The following LGSN variants were observed in gnomAD, a reference collection of about 807,000 sequenced individuals.
LGSN encodes the protein lengsin.
LGSN carries 21 observed loss-of-function variants against 19.5 expected under a neutral mutation model. The observed-to-expected ratio is 1.07, with a 90% confidence interval of 0.76 to 1.55. LGSN has a LOEUF of 1.55. Among genes scored for constraint, LGSN ranks in the 40% most tolerant of loss-of-function variants. The probability of loss-of-function intolerance (pLI) is 0.00; values close to 1 mark genes in which losing one functional copy is unlikely to be tolerated. For missense variants in LGSN, 673 were observed against 608.5 expected, an observed-to-expected ratio of 1.11 and a Z score of -1.12; for synonymous variants, 257 against 215.6, an observed-to-expected ratio of 1.19 and a Z score of -1.68.
At chr6:63,309,095 T>G (rs534069301) in intron 1 of LGSN, among the ~76,000 whole-genome samples, 2 of 152,320 alleles carry the variant, frequency 1.3e-5, no homozygotes, top group Admixed American at 1.3e-4. Context: ...TAGAAAGAGT[T>G]AAATACACGT....
chr6:63,568,006 G>C, the LGSN span, among the ~76,000 whole-genome samples: 1 of 152,192 alleles, frequency 6.6e-6, no homozygotes, highest in Non-Finnish European at 1.5e-5. Flanking sequence ...AAAATGAAGA[G>C]AGTTAAGGCC....
the LGSN span, among the ~76,000 whole-genome samples, chr6:63,388,726 G>C: frequency 9.8e-5 from 15 of 152,310 alleles, no homozygotes; most frequent in Admixed American, 5.2e-4. Context: ...AAAAATAATA[G>C]AGGTCCTAAA....
chr6:63,440,624 C>T, the LGSN span: 2 of 152,202 alleles, frequency 1.3e-5, no homozygotes, highest in African/African-American at 4.8e-5. Context: ...CTAAAATTAA[C>T]AAGGTGTAGG....
intron 1 of LGSN, among the ~76,000 whole-genome samples, chr6:63,316,818 T>C (rs1280276759): frequency 6.6e-6 from 1 of 151,928 alleles, no homozygotes; most frequent in Non-Finnish European, 1.5e-5. Flanking sequence ...TGAAAAAAGA[T>C]CCAAGAATGT....
the LGSN span, among the ~76,000 whole-genome samples, chr6:63,413,151 A>G: frequency 6.6e-6 from 1 of 152,170 alleles, no homozygotes; most frequent in Non-Finnish European, 1.5e-5. Context: ...AATAAAATGT[A>G]AAGCAACACC....
chr6:63,517,669 T>A, the LGSN span, among the ~76,000 whole-genome samples: 1 of 151,986 alleles, frequency 6.6e-6, no homozygotes, highest in Non-Finnish European at 1.5e-5. Context: ...CACACATATA[T>A]ATGACTTTTA....
At chr6:63,503,004 A>AT in the LGSN span, among the ~76,000 whole-genome samples, 1 of 152,104 alleles carries the variant, frequency 6.6e-6, no homozygotes, top group Admixed American at 6.5e-5. Context: ...CCTAATTTAT[A>AT]TTTTTTGCCA....
chr6:63,394,984 C>G, the LGSN span: 1 of 156,184 alleles, frequency 6.4e-6, no homozygotes, highest in South Asian at 1.8e-4. Flanking sequence ...GCAGGCCTGA[C>G]AACTCCCTCT....
the LGSN span, among the ~76,000 whole-genome samples, chr6:63,362,717 G>A: frequency 6.6e-6 from 1 of 152,186 alleles, no homozygotes; most frequent in African/African-American, 2.4e-5. Flanking sequence ...ACTGGGTGGA[G>A]CCCACCGCAG....
the LGSN span, among the ~76,000 whole-genome samples, chr6:63,525,251 G>A: frequency 2.0e-5 from 3 of 152,128 alleles, no homozygotes; most frequent in African/African-American, 7.2e-5. Flanking sequence ...TACTCTTTCA[G>A]GATCAAACCC....
chr6:63,495,929 A>ATG, the LGSN span, among the ~76,000 whole-genome samples: 11 of 150,910 alleles, frequency 7.3e-5, no homozygotes, highest in African/African-American at 2.7e-4. Context: ...TAATTAATTA[A>ATG]TTTTTTTAAA....
the LGSN span, among the ~76,000 whole-genome samples, chr6:63,412,772 G>GAAAGAAAGA: frequency 0.06 from 2,479 of 41,064 alleles, 114 homozygotes; most frequent in South Asian, 0.073. Flanking sequence ...AGAAAGAAAG[G>GAAAGAAAGA]AAGGAAGGGA....
At chr6:63,522,237 G>A in the LGSN span, among the ~76,000 whole-genome samples, 9 of 152,042 alleles carry the variant, frequency 5.9e-5, no homozygotes, top group African/African-American at 2.2e-4. Context: ...ACAATATATG[G>A]CAAATTTTAA....
chr6:63,435,218 C>CA, the LGSN span, among the ~76,000 whole-genome samples: 4 of 152,162 alleles, frequency 2.6e-5, no homozygotes, highest in African/African-American at 9.7e-5. Context: ...GATTAGACAA[C>CA]AAAATGAGAT....
At chr6:63,550,312 GC>G in the LGSN span, 1 of 152,126 alleles carries the variant, frequency 6.6e-6, no homozygotes, top group Non-Finnish European at 1.5e-5. Flanking sequence ...CAGTGTGCCC[GC>G]CCTCTCTTTC....
the LGSN span, among the ~76,000 whole-genome samples, chr6:63,371,383 C>A: frequency 6.6e-6 from 1 of 152,228 alleles, no homozygotes; most frequent in Non-Finnish European, 1.5e-5. Context: ...CTGTAAACCA[C>A]TGAAAACGGC....
the LGSN span, among the ~76,000 whole-genome samples, chr6:63,359,406 T>C: frequency 3.3e-5 from 5 of 152,238 alleles, no homozygotes; most frequent in African/African-American, 1.2e-4. Flanking sequence ...TCAGAAGGAA[T>C]GGTACCAGGT....
At chr6:63,399,101 G>A in the LGSN span, among the ~76,000 whole-genome samples, 3 of 151,808 alleles carry the variant, frequency 2.0e-5, no homozygotes, top group Non-Finnish European at 4.4e-5. Flanking sequence ...GTTATCGCAC[G>A]TGGCCTCATT....
chr6:63,514,036 A>C, the LGSN span, among the ~76,000 whole-genome samples: 1 of 151,994 alleles, frequency 6.6e-6, no homozygotes, highest in Non-Finnish European at 1.5e-5. Context: ...CAAATGAATA[A>C]TATATAAAAT....
Sources: gnomAD v4.1 joint callset for allele counts (sites outside exome capture counted in the v4.1 genomes callset) on GRCh38, gnomAD v4.1.1 for gene constraint, MANE v1.5 for transcripts, NCBI Gene and HGNC (gene_info 2026-07-23, HGNC 2026-07-21) for gene names.